The following VTI1A variants were observed in gnomAD, a reference collection of about 807,000 sequenced individuals.
VTI1A encodes vesicle transport through interaction with t-SNAREs homolog 1A.
A neutral mutation model predicts 34.9 loss-of-function variants in VTI1A; 22 were observed. The ratio of observed to expected loss-of-function variants is 0.63; its 90% CI spans 0.45 to 0.90. The LOEUF (loss-of-function observed/expected upper bound fraction) is 0.90. VTI1A is among the 40% of genes least tolerant of loss of function. The probability of loss-of-function intolerance (pLI) is 0.00; values close to 1 mark genes in which losing one functional copy is unlikely to be tolerated. For missense variants in VTI1A, 268 were observed against 275.6 expected, an observed-to-expected ratio of 0.97 and a Z score of 0.20; for synonymous variants, 87 against 97.3, an observed-to-expected ratio of 0.89 and a Z score of 0.62.
intron 5 of VTI1A, among the ~76,000 whole-genome samples, chr10:112,550,745 A>G (rs1250180998): frequency 1.3e-5 from 2 of 152,118 alleles, no homozygotes; most frequent in Admixed American, 6.5e-5. Flanking sequence ...AGTTAAATAA[A>G]TATCTATTTA....
At chr10:112,460,623 C>G in intron 2 of VTI1A, 41 bp downstream of exon 2, 1 of 1,506,206 alleles carries the variant, frequency 6.6e-7, no homozygotes, top group Non-Finnish European at 8.9e-7. Context: ...ACAGCCAGAG[C>G]CGTTTAAGCT....
At chr10:112,554,915 G>C (rs370167927) in intron 5 of VTI1A, among the ~76,000 whole-genome samples, 1 of 152,116 alleles carries the variant, frequency 6.6e-6, no homozygotes, top group Non-Finnish European at 1.5e-5. Context: ...AGTATTCGAT[G>C]TATATGGGGA....
chr10:112,611,021 A>G (rs1845288045), intron 5 of VTI1A, among the ~76,000 whole-genome samples: 1 of 152,186 alleles, frequency 6.6e-6, no homozygotes, highest in Non-Finnish European at 1.5e-5. Context: ...AGTTGTTGTC[A>G]GGCAGATTTT....
intron 7 of VTI1A, among the ~76,000 whole-genome samples, chr10:112,732,018 C>A (rs138949154): frequency 4.9e-4 from 74 of 151,738 alleles, no homozygotes; most frequent in Admixed American, 1.6e-3. Flanking sequence ...AATGCATTAC[C>A]CTTTACCGAA....
chr10:112,588,729 A>G (rs1379897728), intron 5 of VTI1A, among the ~76,000 whole-genome samples: 1 of 152,212 alleles, frequency 6.6e-6, no homozygotes, highest in Non-Finnish European at 1.5e-5. Flanking sequence ...TATTCCTCAC[A>G]TAGGCCATCA....
chr10:112,732,847 T>TC (rs1850315774), intron 7 of VTI1A, among the ~76,000 whole-genome samples: 1 of 152,220 alleles, frequency 6.6e-6, no homozygotes, highest in Non-Finnish European at 1.5e-5. Flanking sequence ...TGCTGCTTTT[T>TC]CCCCTCCCTC....
rs564516378 is a variant in VTI1A at position 112,557,223 on chromosome 10, A to G, written c.427+18893A>G. On this transcript the variant is annotated intron_variant, in intron 5 of 7. Transcript: ENST00000393077. ...ATAATTAAAATTTGTCAACATTTCA[A>G]TATGATAAAATTGATATGTTTAGTG... Among the ~76,000 whole-genome samples, 4 of 152,254 alleles carry G rather than the reference A, an allele frequency of 2.6e-5. No individual in the cohort carries two copies. The South Asian group carries it at 8.3e-4, about 32-fold the overall frequency.
rs201707332 is a variant in VTI1A, at chr10:112,560,616, G to A, written c.427+22286G>A. 3.0e-3 allele frequency among the ~76,000 whole-genome samples: 115 copies of A among 38,956 alleles called. 1 individual carries two copies. The East Asian group carries it at 0.055, about 18-fold the overall frequency. The allele number at this position is 38,956 out of a possible 152,430, so 25.6% of individuals were successfully genotyped here. A position where few individuals can be genotyped will look rare whatever the true frequency, so the allele number is the denominator to read the frequency against. ...GAAGTGCTTTTTTTTTTTTTTTTTT[G>A]CGATGGAGTCTCACTCTGTCGCCAG... On this transcript the variant is annotated intron_variant, in intron 5 of 7. Coordinates refer to ENST00000393077, the MANE Select transcript of VTI1A (RefSeq NM_145206.4).
At chr10:112,592,189 C>T (rs931576284) in intron 5 of VTI1A, among the ~76,000 whole-genome samples, 5 of 152,194 alleles carry the variant, frequency 3.3e-5, no homozygotes, top group Non-Finnish European at 7.3e-5. Context: ...TGGAAATGAA[C>T]ACAGCCTGGG....
intron 7 of VTI1A, among the ~76,000 whole-genome samples, chr10:112,725,911 T>A (rs993333708): frequency 2.6e-5 from 4 of 152,200 alleles, no homozygotes; most frequent in African/African-American, 9.6e-5. Flanking sequence ...CCTTTTAACA[T>A]GATTCCACTA....
the VTI1A span, among the ~76,000 whole-genome samples, chr10:112,835,415 C>T: frequency 2.6e-5 from 4 of 152,188 alleles, no homozygotes; most frequent in Admixed American, 1.3e-4. Flanking sequence ...AGGCATGCTG[C>T]GATTGTTTTT....
At chr10:112,588,153 T>C (rs1174813275) in intron 5 of VTI1A, among the ~76,000 whole-genome samples, 2 of 152,140 alleles carry the variant, frequency 1.3e-5, no homozygotes, top group Admixed American at 1.3e-4. Context: ...CTTCTCTACA[T>C]TGAGCTTAAG....
intron 7 of VTI1A, among the ~76,000 whole-genome samples, chr10:112,701,060 C>T (rs996435623): frequency 1.3e-5 from 2 of 152,004 alleles, no homozygotes; most frequent in African/African-American, 2.4e-5. Context: ...ATTGACTGGA[C>T]CCTAAAGGGT....
chr10:112,830,849 A>ATATATATATTTT, the VTI1A span, among the ~76,000 whole-genome samples: 1 of 33,496 alleles, frequency 3.0e-5, no homozygotes, highest in African/African-American at 1.4e-4. Flanking sequence ...ATATATATAT[A>ATATATATATTTT]TTTTTTTTTT....
At chr10:112,655,331 T>C (rs2133809899) in intron 5 of VTI1A, among the ~76,000 whole-genome samples, 1 of 152,142 alleles carries the variant, frequency 6.6e-6, no homozygotes, top group Middle Eastern at 3.4e-3. Flanking sequence ...GAACAAAGGA[T>C]AGAAACCAAG....
chr10:112,719,815 C>A lies in VTI1A; in HGVS notation c.560+50817C>A, dbSNP rs776962701. 7.9e-5 allele frequency among the ~76,000 whole-genome samples: 12 copies of A among 152,122 alleles called. No homozygotes were observed. The East Asian group carries it at 2.1e-3, about 27-fold the overall frequency. Reference sequence around the variant, plus strand: ...CCCGTCTCAGCCTCCCAAAGTGCTGCGATTACAGGCGTGAGCCACGACACC... The same window carrying A: ...CCCGTCTCAGCCTCCCAAAGTGCTGAGATTACAGGCGTGAGCCACGACACC... On this transcript the variant is annotated intron_variant, in intron 7 of 7. Transcript: ENST00000393077.
chr10:112,851,903 T>C, the VTI1A span, among the ~76,000 whole-genome samples: 1 of 152,214 alleles, frequency 6.6e-6, no homozygotes, highest in Non-Finnish European at 1.5e-5. Flanking sequence ...TTCCATTGAA[T>C]ATTTAATATC....
chr10:112,754,984 C>T (rs1481567491), intron 7 of VTI1A, among the ~76,000 whole-genome samples: 3 of 152,224 alleles, frequency 2.0e-5, no homozygotes, highest in East Asian at 3.9e-4. Context: ...TAGCTGGGCG[C>T]GGTGGCTCAT....
At chr10:112,498,310 C>T (rs1849099343) in intron 3 of VTI1A, among the ~76,000 whole-genome samples, 1 of 152,202 alleles carries the variant, frequency 6.6e-6, no homozygotes, top group East Asian at 1.9e-4. Flanking sequence ...TGCTATTATT[C>T]TATGATTTAT....
Sources: gnomAD v4.1 joint callset for allele counts (sites outside exome capture counted in the v4.1 genomes callset) on GRCh38, gnomAD v4.1.1 for gene constraint, MANE v1.5 for transcripts, NCBI Gene and HGNC (gene_info 2026-07-23, HGNC 2026-07-21) for gene names.